Variants in TBC1D20 observed in about 807,000 individuals in gnomAD.
TBC1D20 encodes the protein TBC1 domain family member 20, also known as chromosome 20 open reading frame 140.
In TBC1D20, 12 loss-of-function variants were observed where a neutral mutation model predicts 41.6. That is an observed-to-expected ratio of 0.29 (90% CI 0.18 to 0.47). TBC1D20 has a LOEUF of 0.47. TBC1D20 is among the 20% of genes least tolerant of loss of function. TBC1D20 has a pLI of 1.00. For missense variants in TBC1D20, 421 were observed against 517.4 expected (o/e 0.81, Z 1.81); for synonymous variants, 205 against 204.8 (o/e 1.00, Z -0.01).
intron 3 of TBC1D20, 64 bp downstream of exon 3, chr20:444,986 A>T: frequency 6.9e-7 from 1 of 1,447,296 alleles, no homozygotes; most frequent in Non-Finnish European, 9.5e-7. Flanking sequence ...ATATTAGGTC[A>T]CATGGTATGA....
chr20:459,621 C>G (rs1466270910), intron 1 of TBC1D20, among the ~76,000 whole-genome samples: 1 of 152,130 alleles, frequency 6.6e-6, no homozygotes, highest in Non-Finnish European at 1.5e-5. Context: ...TTGGCCTACT[C>G]TTCATTAGAA....
intron 1 of TBC1D20, among the ~76,000 whole-genome samples, chr20:455,342 C>A (rs2017521480): frequency 2.0e-5 from 3 of 152,122 alleles, no homozygotes; most frequent in African/African-American, 7.2e-5. Context: ...AAAAATAAAA[C>A]CCCTTCTGGG....
chr20:455,927 C>T (rs550132914), intron 1 of TBC1D20, among the ~76,000 whole-genome samples: 18 of 150,836 alleles, frequency 1.2e-4, no homozygotes, highest in Admixed American at 7.3e-4. Flanking sequence ...AGCAAAACTC[C>T]GTCTCAAAAA....
chr20:458,500 G>A (rs1472814244), intron 1 of TBC1D20, among the ~76,000 whole-genome samples: 2 of 151,700 alleles, frequency 1.3e-5, no homozygotes, highest in Non-Finnish European at 2.9e-5. Flanking sequence ...TATATATTTT[G>A]TAGAGAAAAA....
intron 2 of TBC1D20, among the ~76,000 whole-genome samples, chr20:447,116 T>C (rs1333023046): frequency 2.7e-5 from 4 of 148,058 alleles, no homozygotes; most frequent in African/African-American, 1.0e-4. Context: ...ACCTGGCTAA[T>C]GTTCGTATTT....
At chr20:443,393 C>T (rs952129228) in intron 3 of TBC1D20, among the ~76,000 whole-genome samples, 9 of 152,222 alleles carry the variant, frequency 5.9e-5, no homozygotes, top group African/African-American at 2.2e-4. Flanking sequence ...AGTAAAAATG[C>T]CTTGGCCTTA....
chr20:453,409 G>A (rs988778169), intron 1 of TBC1D20, among the ~76,000 whole-genome samples: 1 of 147,824 alleles, frequency 6.8e-6, no homozygotes, highest in African/African-American at 2.5e-5. Flanking sequence ...GGGAGGCAGA[G>A]GTTGCAGTGA....
Position 448,062 on chromosome 20 carries a change from T to C in TBC1D20, c.83A>G (p.Lys28Arg). The C allele has an allele frequency of 6.2e-7, 1 of 1,612,502 alleles. No homozygotes were observed. Among genetic ancestry groups the C allele is most frequent in the East Asian group, 2.2e-5 (1 of 44,822 alleles). Residue 28 changes from lysine to arginine, a missense_variant, in exon 2 of 8, where the codon AAA becomes AGA. This residue lies in a region of TBC1D20 where 150 missense variants were observed against 151.3 expected (regional missense o/e 0.99). Transcript: ENST00000354200. ...TATCTCTGCCACTTTCTTTTTCCTT[T>C]TGGCGTTAAAGTCTGAAGATAAGGA... is the stretch of plus-strand genomic sequence containing the variant. ...GGAEKADFNA[K>R]RKKKVAEIHQ...
At chr20:454,650 C>CATTATTATTATTATTATTATT (rs11471553) in intron 1 of TBC1D20, among the ~76,000 whole-genome samples, 1 of 149,512 alleles carries the variant, frequency 6.7e-6, no homozygotes, top group African/African-American at 2.5e-5. Flanking sequence ...CAAAGCTGTA[C>CATTATTATTATTATTATTATT]ATTATTATTA....
rs981353217 is a variant in TBC1D20 at position 440,373 on chromosome 20, T to C, written c.643A>G (p.Ile215Val). 1.2e-6 allele frequency: 2 copies of C among 1,614,192 alleles called. No homozygotes were observed. The highest frequency in any genetic ancestry group is 2.2e-5 in the East Asian group (1 of 44,886). The part of the protein sequence containing the change: ...DFMQSAEVGT[I>V]FALSWLITWF... ...GTGATGAGCCAGCTGAGGGCAAAGA[T>C]GGTCCCTACCTCAGCACTAGAAACA... Residue 215 changes from isoleucine (I) to valine (V), a missense_variant, in exon 6 of 8, where the codon ATC (isoleucine) becomes GTC (valine). Around this residue, in one of 3 missense-constraint regions of TBC1D20, gnomAD observed 110 missense variants for 183.5 expected, o/e 0.60. Coordinates refer to ENST00000354200, the MANE Select transcript of TBC1D20 (RefSeq NM_144628.4).
rs1464704843 is a variant in TBC1D20 at position 436,273 on chromosome 20, G to T, written c.*2313C>A. ...AGCGGTGGCCAAGGACGGAATGACA[G>T]AAGAGGTGATTAGTAACCACATATG... is the stretch of plus-strand genomic sequence containing the variant. On this transcript the variant is annotated 3_prime_UTR_variant, in exon 8 of 8. Coordinates refer to ENST00000354200, the MANE Select transcript of TBC1D20 (RefSeq NM_144628.4). The T allele has an allele frequency of 6.6e-6, 1 of 152,226 alleles. No homozygotes were observed. The highest frequency in any genetic ancestry group is 1.5e-5 in the Non-Finnish European group (1 of 68,064). 9.4% of individuals were successfully genotyped at this position (152,226 alleles called of 1,614,324 possible).
intron 1 of TBC1D20, 99 bp downstream of exon 1, chr20:462,237 T>A: frequency 1.3e-6 from 1 of 764,238 alleles, no homozygotes; most frequent in Non-Finnish European, 1.7e-6. Context: ...CAGCCCCGGG[T>A]CCCCAGCCCG....
chr20:440,200 G>T, intron 6 of TBC1D20, 48 bp downstream of exon 6: 1 of 1,598,406 alleles, frequency 6.3e-7, no homozygotes. Flanking sequence ...TGACCACAGT[G>T]GGATGGGTGA....
chr20:462,240 C>G, intron 1 of TBC1D20, 96 bp downstream of exon 1: 1 of 900,024 alleles, frequency 1.1e-6, no homozygotes, highest in Non-Finnish European at 1.4e-6. Flanking sequence ...CCCCGGGTCC[C>G]CAGCCCGCGC....
At chr20:456,321 TGAC>T (rs1291842377) in intron 1 of TBC1D20, among the ~76,000 whole-genome samples, 2 of 149,124 alleles carry the variant, frequency 1.3e-5, no homozygotes, top group Non-Finnish European at 3.0e-5. Context: ...GTCAAGCTCT[TGAC>T]TCAGGTGTGT....
intron 4 of TBC1D20, 44 bp from the exon 5 acceptor site, chr20:441,733 A>G: frequency 6.2e-7 from 1 of 1,605,760 alleles, no homozygotes; most frequent in Non-Finnish European, 8.5e-7. Context: ...AAACACTTAG[A>G]TCAGGGCTCA....
Position 440,393 on chromosome 20 carries a change from G to A in TBC1D20, c.627-4C>T. On this transcript the variant is annotated splice_region_variant and splice_polypyrimidine_tract_variant and intron_variant, in intron 5 of 7. Coordinates refer to ENST00000354200, the MANE Select transcript of TBC1D20 (RefSeq NM_144628.4). ...AAAGATGGTCCCTACCTCAGCACTAGAAACAAAGGAAAGGCAGGTGTCAGG... is the reference window on the plus strand; with the variant it reads ...AAAGATGGTCCCTACCTCAGCACTAAAAACAAAGGAAAGGCAGGTGTCAGG... 1 of 1,614,018 alleles carries A rather than the reference G, an allele frequency of 6.2e-7. No homozygotes were observed. Among genetic ancestry groups the A allele is most frequent in the Non-Finnish European group, 8.5e-7 (1 of 1,179,962 alleles).
At chr20:442,669 G>A (rs1335365543) in intron 3 of TBC1D20, among the ~76,000 whole-genome samples, 7 of 152,196 alleles carry the variant, frequency 4.6e-5, no homozygotes, top group Non-Finnish European at 1.0e-4. Context: ...GATTACATGA[G>A]AGCCTTATAT....
chr20:449,940 G>A (rs774753880), intron 1 of TBC1D20, among the ~76,000 whole-genome samples: 4 of 152,184 alleles, frequency 2.6e-5, no homozygotes, highest in Non-Finnish European at 5.9e-5. Context: ...ATATCTAGCA[G>A]TTAGTGTCAA....
Sources: gnomAD v4.1 joint callset for allele counts (sites outside exome capture counted in the v4.1 genomes callset) on GRCh38, gnomAD v4.1.1 for gene constraint, gnomAD v4.1.1 regional missense constraint, MANE v1.5 for transcripts, NCBI Gene and HGNC (gene_info 2026-07-23, HGNC 2026-07-21) for gene names.